Variants in ARHGAP15 observed in about 807,000 individuals in gnomAD.
ARHGAP15 encodes the protein Rho GTPase activating protein 15.
Under a neutral mutation model 63.7 loss-of-function variants are expected in ARHGAP15, and 51 were observed. The observed-to-expected ratio is 0.80, with a 90% CI of 0.64 to 1.01. The LOEUF is 1.01. Among genes scored for constraint, ARHGAP15 ranks in the 50% least tolerant of loss-of-function variants. ARHGAP15 has a pLI of 0.00. For synonymous variants in ARHGAP15, 191 were observed against 193.8 expected (o/e 0.99, Z 0.12); for missense variants, 560 against 564.6 (o/e 0.99, Z 0.08).
chr2:143,657,709 G>A (rs1473938014), intron 12 of ARHGAP15, among the ~76,000 whole-genome samples: 1 of 152,144 alleles, frequency 6.6e-6, no homozygotes. Context: ...TTCCACCTAT[G>A]TCTATCATAT....
chr2:143,660,045 A>G (rs903096371), intron 12 of ARHGAP15, among the ~76,000 whole-genome samples: 9 of 152,188 alleles, frequency 5.9e-5, no homozygotes, highest in African/African-American at 1.9e-4. Flanking sequence ...GTGTTCCAAA[A>G]TACAACAGAT....
At chr2:143,270,771 A>G (rs1681239240) in intron 6 of ARHGAP15, among the ~76,000 whole-genome samples, 1 of 152,190 alleles carries the variant, frequency 6.6e-6, no homozygotes, top group Admixed American at 6.5e-5. Context: ...ATATTGCTAT[A>G]GCATTCTCAG....
chr2:143,715,344 C>A (rs1295150386), intron 13 of ARHGAP15, among the ~76,000 whole-genome samples: 1 of 152,182 alleles, frequency 6.6e-6, no homozygotes, highest in East Asian at 1.9e-4. Context: ...CTGGGAGATA[C>A]AACTAAAGTT....
At chr2:143,477,384 G>T (rs531774684) in intron 8 of ARHGAP15, among the ~76,000 whole-genome samples, 1 of 151,404 alleles carries the variant, frequency 6.6e-6, no homozygotes, top group Non-Finnish European at 1.5e-5. Context: ...TGATGATGAT[G>T]CAGGATGCCT....
intron 8 of ARHGAP15, among the ~76,000 whole-genome samples, chr2:143,454,384 C>A (rs929922649): frequency 1.3e-5 from 2 of 152,000 alleles, no homozygotes; most frequent in African/African-American, 4.8e-5. Flanking sequence ...ATTTTAAACA[C>A]CAAGCAATGT....
intron 12 of ARHGAP15, among the ~76,000 whole-genome samples, chr2:143,645,310 G>A (rs963043723): frequency 4.0e-4 from 61 of 152,060 alleles, no homozygotes; most frequent in African/African-American, 1.4e-3. Context: ...GTCATTAAGT[G>A]TACTTAGATT....
intron 13 of ARHGAP15, among the ~76,000 whole-genome samples, chr2:143,761,097 A>T (rs1401236687): frequency 1.3e-5 from 2 of 152,196 alleles, no homozygotes; most frequent in Non-Finnish European, 2.9e-5. Flanking sequence ...GCCAGTGTAG[A>T]TAGCAGTACA....
intron 8 of ARHGAP15, among the ~76,000 whole-genome samples, chr2:143,458,987 T>C (rs1185418742): frequency 6.6e-6 from 1 of 152,162 alleles, no homozygotes; most frequent in African/African-American, 2.4e-5. Flanking sequence ...ACTTCTTTAG[T>C]CTCAGTGAGG....
intron 6 of ARHGAP15, among the ~76,000 whole-genome samples, chr2:143,404,511 A>G (rs1237015513): frequency 6.6e-6 from 1 of 152,012 alleles, no homozygotes; most frequent in Non-Finnish European, 1.5e-5. Flanking sequence ...TTTATCACCT[A>G]AAGCATGGGT....
chr2:143,385,961 C>T (rs1403927110), intron 6 of ARHGAP15, among the ~76,000 whole-genome samples: 1 of 152,132 alleles, frequency 6.6e-6, no homozygotes, highest in African/African-American at 2.4e-5. Context: ...TGTTGATGCT[C>T]TGAACTACAT....
chr2:143,433,990 G>A (rs1012267502), intron 6 of ARHGAP15, among the ~76,000 whole-genome samples: 2 of 152,032 alleles, frequency 1.3e-5, no homozygotes, highest in Admixed American at 1.3e-4. Context: ...ACTCTATAAA[G>A]TAAATATTTG....
chr2:143,601,180 C>T (rs1697755248), intron 11 of ARHGAP15, among the ~76,000 whole-genome samples: 2 of 152,126 alleles, frequency 1.3e-5, no homozygotes. Context: ...ACTCTCCAAA[C>T]ACTGTTCAAT....
At chr2:143,330,450 G>A (rs1467082255) in intron 6 of ARHGAP15, among the ~76,000 whole-genome samples, 1 of 152,046 alleles carries the variant, frequency 6.6e-6, no homozygotes, top group African/African-American at 2.4e-5. Flanking sequence ...ATAGTAATTT[G>A]TGTTAAGTTT....
At chr2:143,636,332 A>C (rs977441208) in intron 12 of ARHGAP15, among the ~76,000 whole-genome samples, 15 of 152,190 alleles carry the variant, frequency 9.9e-5, no homozygotes, top group Non-Finnish European at 1.9e-4. Context: ...ATTGGCATCT[A>C]AGAAGAAACC....
chr2:143,672,968 CCTATT>C (rs925861632), intron 12 of ARHGAP15, among the ~76,000 whole-genome samples: 8 of 152,092 alleles, frequency 5.3e-5, no homozygotes, highest in Non-Finnish European at 8.8e-5. Flanking sequence ...AACTTTCCCT[CCTATT>C]CTAAAGAGCT....
chr2:143,504,923 T>C (rs55942602), intron 9 of ARHGAP15, among the ~76,000 whole-genome samples: 39,634 of 152,008 alleles, frequency 0.26, 6,038 homozygotes, highest in East Asian at 0.71. Flanking sequence ...CACTTTGTCT[T>C]CAAAGGAAAC....
chr2:143,711,482 G>T (rs1445301052), intron 13 of ARHGAP15, among the ~76,000 whole-genome samples: 1 of 152,132 alleles, frequency 6.6e-6, no homozygotes, highest in Non-Finnish European at 1.5e-5. Context: ...ACATGGAAGA[G>T]AACTGCAATG....
At chr2:143,504,108 C>A (rs1277330730) in intron 9 of ARHGAP15, among the ~76,000 whole-genome samples, 1 of 152,090 alleles carries the variant, frequency 6.6e-6, no homozygotes, top group Admixed American at 6.6e-5. Flanking sequence ...TTGAGGTACA[C>A]AATCGTAGGA....
At chr2:143,590,219 G>A (rs1697266361) in intron 11 of ARHGAP15, among the ~76,000 whole-genome samples, 2 of 152,158 alleles carry the variant, frequency 1.3e-5, no homozygotes, top group African/African-American at 4.8e-5. Context: ...GTTTTCCAGA[G>A]TGGATGGCAA....
Sources: gnomAD v4.1 joint callset for allele counts (sites outside exome capture counted in the v4.1 genomes callset) on GRCh38, gnomAD v4.1.1 for gene constraint, MANE v1.5 for transcripts, NCBI Gene and HGNC (gene_info 2026-07-23, HGNC 2026-07-21) for gene names.